STXBP5L: variants seen among roughly 807,000 people sequenced by gnomAD.
STXBP5L encodes syntaxin-binding protein 5-like.
In STXBP5L, 65 loss-of-function variants were observed where a neutral mutation model predicts 144.5. That is an observed-to-expected ratio of 0.45 (90% CI 0.37 to 0.55). The LOEUF (loss-of-function observed/expected upper bound fraction) is 0.55, where lower values mean the gene tolerates loss of function less well. Ranked by LOEUF, STXBP5L falls within the 20% of genes least tolerant of loss-of-function variation. The pLI is 0.00. For synonymous variants in STXBP5L, 505 were observed against 469.6 expected (o/e 1.08, Z -0.97); for missense variants, 1,298 against 1,405.5 (o/e 0.92, Z 1.22).
At position 121,033,708 on chromosome 3, in the gene STXBP5L, C is replaced by G. The variant is rs149426916; in HGVS notation, c.288-7992C>G. Among the ~76,000 whole-genome samples, 1,087 of 151,736 alleles carry G rather than the reference C, an allele frequency of 7.2e-3. 18 individuals are homozygous for G. The highest frequency in any genetic ancestry group is 0.025 in the African/African-American group (1,028 of 41,446). ...GTATTTGTAATTTTAGCATTAACTG[C>G]TATATATTCTTATAAGTAAGAACTT... On this transcript the variant is annotated intron_variant, in intron 3 of 26. Transcript: ENST00000471454.
At chr3:121,116,224 C>A (rs1391723825) in intron 6 of STXBP5L, among the ~76,000 whole-genome samples, 1 of 152,144 alleles carries the variant, frequency 6.6e-6, no homozygotes, top group Non-Finnish European at 1.5e-5. Context: ...GACTCATTTT[C>A]TGCCTCATAT....
chr3:121,175,427 T>A (rs545102721), intron 9 of STXBP5L, among the ~76,000 whole-genome samples: 5 of 152,154 alleles, frequency 3.3e-5, no homozygotes, highest in Admixed American at 3.3e-4. Flanking sequence ...GTCCTGTACA[T>A]GTTCAACATT....
intron 9 of STXBP5L, among the ~76,000 whole-genome samples, chr3:121,165,469 A>G (rs1160996513): frequency 6.6e-6 from 1 of 152,100 alleles, no homozygotes; most frequent in Non-Finnish European, 1.5e-5. Context: ...TGTGACTTCT[A>G]TTACAATTTT....
intron 7 of STXBP5L, among the ~76,000 whole-genome samples, chr3:121,127,968 C>T (rs1008253636): frequency 6.6e-6 from 1 of 152,002 alleles, no homozygotes; most frequent in Middle Eastern, 3.2e-3. Flanking sequence ...ATCATTACAT[C>T]CAGGCAAAGA....
intron 7 of STXBP5L, among the ~76,000 whole-genome samples, chr3:121,129,426 C>CA (rs75294351): frequency 0.076 from 8,810 of 115,902 alleles, 292 homozygotes; most frequent in Middle Eastern, 0.13. Flanking sequence ...GTAGGTTTTG[C>CA]AAAAAAAAAA....
intron 3 of STXBP5L, among the ~76,000 whole-genome samples, chr3:121,036,409 T>C (rs986955723): frequency 6.6e-6 from 1 of 152,186 alleles, no homozygotes; most frequent in African/African-American, 2.4e-5. Context: ...ATGGTTTTCC[T>C]ATATAAATTT....
intron 5 of STXBP5L, among the ~76,000 whole-genome samples, chr3:121,056,019 A>G (rs529392335): frequency 6.6e-6 from 1 of 152,092 alleles, no homozygotes; most frequent in Admixed American, 6.6e-5. Flanking sequence ...TGCCTAGGCT[A>G]GACTTGAACT....
At chr3:121,363,075 G>A (rs73183162) in intron 20 of STXBP5L, among the ~76,000 whole-genome samples, 39,038 of 151,926 alleles carry the variant, frequency 0.26, 5,169 homozygotes, top group Admixed American at 0.35. Context: ...TCTGACCAGT[G>A]CCCTATCCTG....
Position 121,063,594 on chromosome 3 carries a change from C to A in STXBP5L, c.470+18059C>A, listed in dbSNP as rs1024626911. Among the ~76,000 whole-genome samples, 3 of 152,298 alleles carry A rather than the reference C, an allele frequency of 2.0e-5. No homozygotes were observed. The East Asian group carries it at 5.8e-4, about 29-fold the overall frequency. Reference sequence around the variant, plus strand: ...AGTCTGCTGAAGCTGCGCCAACACCCGCTCCTTCCTCCAGGTGCTCTGTCC... The same window carrying A: ...AGTCTGCTGAAGCTGCGCCAACACCAGCTCCTTCCTCCAGGTGCTCTGTCC... On this transcript the variant is annotated intron_variant, in intron 5 of 26. Transcript: ENST00000471454.
At chr3:121,407,180 T>A in intron 22 of STXBP5L, 63 bp from the exon 23 acceptor site, 1 of 1,509,518 alleles carries the variant, frequency 6.6e-7, no homozygotes, top group Non-Finnish European at 8.8e-7. Flanking sequence ...TGTAAAACTT[T>A]AATTCCCTAT....
intron 7 of STXBP5L, among the ~76,000 whole-genome samples, chr3:121,124,642 G>A (rs2044621298): frequency 6.6e-6 from 1 of 151,814 alleles, no homozygotes; most frequent in East Asian, 1.9e-4. Context: ...GTATTCAGTT[G>A]CATCATTGAA....
chr3:120,963,536 G>A (rs966587982), intron 3 of STXBP5L, among the ~76,000 whole-genome samples: 1 of 152,158 alleles, frequency 6.6e-6, no homozygotes, highest in African/African-American at 2.4e-5. Context: ...TAATCATGTG[G>A]TTTTTGTCAT....
chr3:121,094,137 C>T (rs1000765510), intron 5 of STXBP5L, among the ~76,000 whole-genome samples: 2 of 152,046 alleles, frequency 1.3e-5, no homozygotes, highest in East Asian at 1.9e-4. Flanking sequence ...GTCTGAGAGA[C>T]AGTTTGTTAT....
intron 9 of STXBP5L, among the ~76,000 whole-genome samples, chr3:121,188,345 C>T (rs1053979892): frequency 5.9e-5 from 9 of 152,176 alleles, no homozygotes; most frequent in African/African-American, 2.2e-4. Context: ...TCTCTCAGAA[C>T]ACAGTGCAAT....
intron 5 of STXBP5L, among the ~76,000 whole-genome samples, chr3:121,088,359 C>A (rs1233242544): frequency 7.0e-5 from 8 of 113,762 alleles, no homozygotes; most frequent in Non-Finnish European, 1.4e-4. Flanking sequence ...CATCACTGGC[C>A]ATCAGAGAAA....
chr3:121,001,647 A>G (rs1464637878), intron 3 of STXBP5L, among the ~76,000 whole-genome samples: 1 of 152,138 alleles, frequency 6.6e-6, no homozygotes. Flanking sequence ...GGGCCACTCC[A>G]TGCCTATTTA....
intron 9 of STXBP5L, among the ~76,000 whole-genome samples, chr3:121,198,837 G>T (rs1041789137): frequency 1.3e-5 from 2 of 152,072 alleles, no homozygotes; most frequent in Non-Finnish European, 2.9e-5. Context: ...CTGTTTCATT[G>T]GTCTATATAT....
At position 120,939,750 on chromosome 3, in the gene STXBP5L, G is replaced by A. The variant is rs145187986; in HGVS notation, c.190-15190G>A. 4.5e-3 allele frequency among the ~76,000 whole-genome samples: 690 copies of A among 152,168 alleles called. 4 individuals carry two copies. Among genetic ancestry groups the A allele is most frequent in the African/African-American group, 0.016 (659 of 41,536 alleles). ...TTCTTTTAAGAAATACACTATTACT[G>A]AGAAATATAGAAATACCTATCAAGT... On this transcript the variant is annotated intron_variant, in intron 2 of 26. Coordinates refer to ENST00000471454, the MANE Select transcript of STXBP5L (RefSeq NM_001308330.2).
intron 20 of STXBP5L, among the ~76,000 whole-genome samples, chr3:121,320,449 C>T (rs1473108398): frequency 1.3e-5 from 2 of 151,858 alleles, no homozygotes; most frequent in Non-Finnish European, 1.5e-5. Flanking sequence ...AAAATGAAAC[C>T]TCCATTTTCT....
Sources: allele counts gnomAD v4.1 joint callset (sites outside exome capture counted in the v4.1 genomes callset), GRCh38; gene constraint gnomAD v4.1.1; transcripts MANE v1.5; gene names NCBI Gene and HGNC (gene_info 2026-07-23, HGNC 2026-07-21).